POLA1: variants seen among roughly 807,000 people sequenced by gnomAD.
The protein encoded by POLA1 is DNA polymerase alpha catalytic subunit.
Under a neutral mutation model 124.0 loss-of-function variants are expected in POLA1, and 15 were observed. The ratio of observed to expected loss-of-function variants is 0.12; its 90% CI spans 0.08 to 0.19. The LOEUF is 0.19. Ranked by LOEUF, POLA1 falls within the 10% of genes least tolerant of loss-of-function variation. POLA1 has a pLI of 1.00. For synonymous variants in POLA1, 408 were observed against 389.4 expected, an observed-to-expected ratio of 1.05 and a Z score of -0.56; for missense variants, 886 against 1,103.4, an observed-to-expected ratio of 0.80 and a Z score of 2.79.
At chrX:24,837,551 G>A (rs2046357714) in intron 32 of POLA1, among the ~76,000 whole-genome samples, 1 of 111,826 alleles carries the variant, frequency 8.9e-6, no homozygotes, top group Admixed American at 9.5e-5. Context: ...GAATAAAGCT[G>A]CTATGAGCAT....
chrX:24,882,645 A>T (rs774676879), intron 34 of POLA1, among the ~76,000 whole-genome samples: 4 of 107,030 alleles, frequency 3.7e-5, no homozygotes, highest in Non-Finnish European at 1.9e-5. Flanking sequence ...AAAGAACATG[A>T]TCTCATTCTT....
chrX:24,862,123 G>A (rs1263994862), intron 34 of POLA1, among the ~76,000 whole-genome samples: 1 of 111,828 alleles, frequency 8.9e-6, no homozygotes, highest in African/African-American at 3.2e-5. Context: ...ATGTATATTA[G>A]TGATGGTTTG....
At chrX:24,940,862 G>A (rs769768232) in intron 36 of POLA1, among the ~76,000 whole-genome samples, 2 of 111,681 alleles carry the variant, frequency 1.8e-5, no homozygotes, top group East Asian at 2.8e-4. Flanking sequence ...GTCAGTGAAC[G>A]GTGTGAAAAT....
intron 36 of POLA1, among the ~76,000 whole-genome samples, chrX:24,986,396 T>G (rs2048481853): frequency 1.8e-5 from 2 of 110,586 alleles, no homozygotes; most frequent in South Asian, 7.8e-4. Context: ...GATATGTGAG[T>G]TCAAAGCTGC....
At chrX:24,864,034 T>C (rs2046757775) in intron 34 of POLA1, among the ~76,000 whole-genome samples, 1 of 109,602 alleles carries the variant, frequency 9.1e-6, no homozygotes, top group African/African-American at 3.3e-5. Flanking sequence ...CAAGCTGGAG[T>C]GAAGTGGCAC....
At chrX:24,699,015 G>A (rs1285833058) in intron 1 of POLA1, among the ~76,000 whole-genome samples, 1 of 111,943 alleles carries the variant, frequency 8.9e-6, no homozygotes, top group East Asian at 2.8e-4. Flanking sequence ...AAGCCTTTTA[G>A]ATATTGATTG....
intron 35 of POLA1, among the ~76,000 whole-genome samples, chrX:24,920,480 C>T (rs1479191949): frequency 9.0e-6 from 1 of 111,602 alleles, no homozygotes; most frequent in African/African-American, 3.3e-5. Flanking sequence ...GTCTCTGGCA[C>T]ACAAAGCAAG....
intron 32 of POLA1, among the ~76,000 whole-genome samples, chrX:24,832,341 C>G (rs1217005142): frequency 2.7e-5 from 3 of 111,584 alleles, no homozygotes; most frequent in Non-Finnish European, 5.6e-5. Context: ...GTTGAACGGT[C>G]CTGCATCTCA....
chrX:24,750,732 GT>G (rs780475429), intron 26 of POLA1, among the ~76,000 whole-genome samples: 24 of 112,232 alleles, frequency 2.1e-4, no homozygotes, highest in Admixed American at 2.0e-3. Flanking sequence ...AGTATAACAA[GT>G]GGTTATTTTG....
At chrX:24,761,434 C>T (rs962060822) in intron 26 of POLA1, among the ~76,000 whole-genome samples, 3 of 110,876 alleles carry the variant, frequency 2.7e-5, no homozygotes, top group Non-Finnish European at 3.8e-5. Flanking sequence ...CATTTTCAGC[C>T]CTGTGCAGGA....
At chrX:24,738,206 C>T (rs1422790145) in intron 19 of POLA1, among the ~76,000 whole-genome samples, 2 of 71,582 alleles carry the variant, frequency 2.8e-5, no homozygotes, top group Non-Finnish European at 4.5e-5. Flanking sequence ...GGCGACAGAG[C>T]GAGACTCCGT....
chrX:24,810,004 G>T, intron 27 of POLA1, 74 bp downstream of exon 27: 1 of 639,945 alleles, frequency 1.6e-6, no homozygotes, highest in Non-Finnish European at 2.5e-6. Flanking sequence ...AAGGAAAATT[G>T]TAACCCAAAC....
intron 35 of POLA1, among the ~76,000 whole-genome samples, chrX:24,904,607 A>G (rs906009283): frequency 3.6e-5 from 4 of 111,192 alleles, no homozygotes; most frequent in African/African-American, 6.5e-5. Context: ...ACAAAAATAC[A>G]TGACAAGTTA....
chrX:24,995,715 A>G (rs2048597806), intron 36 of POLA1, 90 bp from the exon 37 acceptor site: 1 of 809,824 alleles, frequency 1.2e-6, no homozygotes, highest in East Asian at 3.3e-5. Flanking sequence ...GGAGATACAA[A>G]TGGAATCAGC....
chrX:24,734,062 A>C (rs1282972877), intron 17 of POLA1: 1 of 221,928 alleles, frequency 4.5e-6, no homozygotes, highest in Non-Finnish European at 8.3e-6. Flanking sequence ...ATAGGCTCAA[A>C]CCCCCCTCCA....
chrX:24,825,183 A>G (rs747391010), intron 31 of POLA1, among the ~76,000 whole-genome samples: 1 of 112,618 alleles, frequency 8.9e-6, no homozygotes, highest in Non-Finnish European at 1.9e-5. Flanking sequence ...AAACTTGATT[A>G]ATTATGCCTA....
intron 26 of POLA1, among the ~76,000 whole-genome samples, chrX:24,787,019 T>C (rs2148461127): frequency 9.0e-6 from 1 of 110,807 alleles, no homozygotes; most frequent in African/African-American, 3.3e-5. Context: ...CAAGTGATCC[T>C]CCCACATTAG....
chrX:24,715,064 C>A, intron 5 of POLA1, 77 bp from the exon 6 acceptor site: 1 of 687,445 alleles, frequency 1.5e-6, no homozygotes, highest in Non-Finnish European at 2.3e-6. Flanking sequence ...TCCTTCCTTT[C>A]ATATACATGT....
At chrX:24,801,964 T>TGTGTGTGTGTGTGTGTGTGTGA (rs2045719952) in intron 26 of POLA1, among the ~76,000 whole-genome samples, 2 of 106,795 alleles carry the variant, frequency 1.9e-5, no homozygotes, top group East Asian at 5.9e-4. Context: ...TGTGTGTGTG[T>TGTGTGTGTGTGTGTGTGTGTGA]GTGTGTGACA....
Sources: gnomAD v4.1 joint callset for allele counts (sites outside exome capture counted in the v4.1 genomes callset) on GRCh38, gnomAD v4.1.1 for gene constraint, MANE v1.5 for transcripts, NCBI Gene and HGNC (gene_info 2026-07-23, HGNC 2026-07-21) for gene names.